GPHN: variants seen among roughly 807,000 people sequenced by gnomAD.
GPHN encodes gephyrin.
Under a neutral mutation model 95.5 loss-of-function variants are expected in GPHN, and 17 were observed. The observed-to-expected ratio is 0.18, with a 90% confidence interval of 0.12 to 0.27. The LOEUF is 0.27. Among genes scored for constraint, GPHN ranks in the 10% least tolerant of loss-of-function variants. The pLI is 1.00. For missense variants in GPHN, 660 were observed against 978.1 expected (o/e 0.67, Z 4.34); for synonymous variants, 320 against 322.5 (o/e 0.99, Z 0.08).
At chr14:66,527,022 A>G (rs375591962) in intron 1 of GPHN, among the ~76,000 whole-genome samples, 10 of 152,004 alleles carry the variant, frequency 6.6e-5, no homozygotes, top group South Asian at 6.2e-4. Context: ...CTCTTTTTCT[A>G]TTGTTTGCAG....
intron 1 of GPHN, among the ~76,000 whole-genome samples, chr14:66,676,672 A>ATT (rs56906168): frequency 0.013 from 1,579 of 126,050 alleles, 42 homozygotes; most frequent in Middle Eastern, 0.034. Flanking sequence ...ATCGTAGTGT[A>ATT]TTTTTTTTTT....
chr14:67,473,411 G>A, the GPHN span: 5 of 1,611,284 alleles, frequency 3.1e-6, no homozygotes, highest in East Asian at 2.2e-5. This position sits in a 1 kb window ranked among gnomAD's most constrained non-coding sequence, Gnocchi z 6.5. Flanking sequence ...CCCCCCACCC[G>A]CTTCCTGCTC....
chr14:67,666,771 T>C, the GPHN span, among the ~76,000 whole-genome samples: 1 of 152,170 alleles, frequency 6.6e-6, no homozygotes, highest in Non-Finnish European at 1.5e-5. Flanking sequence ...AGCAAATGTA[T>C]GGCAGCACTA....
At chr14:67,727,456 G>T in the GPHN span, 2 of 413,796 alleles carry the variant, frequency 4.8e-6, no homozygotes, top group South Asian at 2.4e-5. Context: ...GTAGCTTTTT[G>T]CAACAGACAG....
the GPHN span, among the ~76,000 whole-genome samples, chr14:67,537,379 TAAA>T: frequency 0.18 from 25,457 of 141,292 alleles, 2,539 homozygotes; most frequent in African/African-American, 0.22. Context: ...ATAATAATAA[TAAA>T]AACTTAATCT....
the GPHN span, among the ~76,000 whole-genome samples, chr14:67,422,471 G>A: frequency 1.1e-4 from 17 of 152,316 alleles, no homozygotes; most frequent in South Asian, 6.2e-4. Context: ...GCAACTCACC[G>A]TGATGCCTGG....
the GPHN span, chr14:67,662,552 A>C: frequency 6.3e-7 from 1 of 1,599,038 alleles, no homozygotes; most frequent in Non-Finnish European, 8.6e-7. Context: ...AAGATAGATA[A>C]GTTTCAAATG....
At chr14:67,115,247 A>T (rs1046616865) in intron 16 of GPHN, among the ~76,000 whole-genome samples, 5 of 152,184 alleles carry the variant, frequency 3.3e-5, no homozygotes, top group African/African-American at 1.2e-4. Flanking sequence ...GTGATAAAAA[A>T]AAAAGAGATA....
At chr14:67,692,831 T>C in the GPHN span, 1 of 970,996 alleles carries the variant, frequency 1.0e-6, no homozygotes, top group Middle Eastern at 3.0e-4. Context: ...TCCTTAGGTG[T>C]TCTTGAATTC....
intron 3 of GPHN, among the ~76,000 whole-genome samples, chr14:66,794,947 T>G (rs2060103621): frequency 6.6e-6 from 1 of 151,822 alleles, no homozygotes; most frequent in Non-Finnish European, 1.5e-5. Context: ...AGTTAACTTC[T>G]ACTTCATGTT....
At chr14:67,320,191 AT>A in the GPHN span, 5 of 1,588,200 alleles carry the variant, frequency 3.1e-6, no homozygotes, top group Non-Finnish European at 4.3e-6. Flanking sequence ...ATACATGGCC[AT>A]AATTTTGTTT....
chr14:67,663,989 T>C, the GPHN span, among the ~76,000 whole-genome samples: 2 of 152,194 alleles, frequency 1.3e-5, no homozygotes, highest in African/African-American at 4.8e-5. Context: ...TAAGAGGAGC[T>C]TGATTTTTTA....
At chr14:66,855,970 A>G (rs2062786501) in intron 4 of GPHN, among the ~76,000 whole-genome samples, 1 of 152,160 alleles carries the variant, frequency 6.6e-6, no homozygotes, top group Non-Finnish European at 1.5e-5. Context: ...AACATTCACA[A>G]TATAACCACA....
At position 66,790,249 on chromosome 14, in the gene GPHN, C is replaced by T. The variant is rs544863977; in HGVS notation, c.201+13728C>T. 5.9e-5 allele frequency among the ~76,000 whole-genome samples: 9 copies of T among 152,204 alleles called. No homozygotes were observed. In the South Asian group the frequency reaches 1.9e-3, roughly 32 times the overall value. ...TACTAAATGTAACCTCCCAGGGGCT[C>T]AGTGAAAGGAAAGTTTAAGACAGTT... On this transcript the variant is annotated intron_variant, in intron 3 of 22. Transcript: ENST00000478722.
At chr14:66,881,902 T>C (rs1451798678) in intron 5 of GPHN, among the ~76,000 whole-genome samples, 1 of 151,860 alleles carries the variant, frequency 6.6e-6, no homozygotes, top group African/African-American at 2.4e-5. Context: ...GTCTGTGCAT[T>C]GCTGATTTAA....
chr14:66,559,727 G>A (rs1164261356), intron 1 of GPHN, among the ~76,000 whole-genome samples: 1 of 151,498 alleles, frequency 6.6e-6, no homozygotes, highest in Non-Finnish European at 1.5e-5. Context: ...TTGCTGTGCA[G>A]AAGCTCTTTA....
At chr14:67,179,911 T>C (rs1008823295) in intron 22 of GPHN, among the ~76,000 whole-genome samples, 1 of 152,230 alleles carries the variant, frequency 6.6e-6, no homozygotes. Context: ...TGTCCACATA[T>C]CATTGACTAA....
the GPHN span, among the ~76,000 whole-genome samples, chr14:67,504,669 G>A: frequency 1.3e-5 from 2 of 152,220 alleles, no homozygotes; most frequent in East Asian, 1.9e-4. Flanking sequence ...GGTGGATCAC[G>A]AGGTCAGGAG....
chr14:67,089,203 T>A, intron 12 of GPHN, 128 bp downstream of exon 12: 1 of 602,908 alleles, frequency 1.7e-6, no homozygotes, highest in Non-Finnish European at 3.0e-6. Context: ...GTTAGGTTTG[T>A]TTCCCCATGA....
Sources: gnomAD v4.1 joint callset for allele counts (sites outside exome capture counted in the v4.1 genomes callset) on GRCh38, gnomAD v4.1.1 for gene constraint, Gnocchi (gnomAD v3.1) non-coding constraint, MANE v1.5 for transcripts, NCBI Gene and HGNC (gene_info 2026-07-23, HGNC 2026-07-21) for gene names.